The following PLCB4 variants were observed in gnomAD, a reference collection of about 807,000 sequenced individuals.
PLCB4 encodes 1-phosphatidylinositol 4,5-bisphosphate phosphodiesterase beta-4.
A neutral mutation model predicts 178.8 loss-of-function variants in PLCB4; 77 were observed. The ratio of observed to expected loss-of-function variants is 0.43; its 90% CI spans 0.36 to 0.52. The LOEUF is 0.52. PLCB4 is among the 20% of genes least tolerant of loss of function. PLCB4 has a pLI of 0.00. For synonymous variants in PLCB4, 496 were observed against 490.8 expected (o/e 1.01, Z -0.14); for missense variants, 1,024 against 1,453.4 (o/e 0.70, Z 4.80).
intron 3 of PLCB4, among the ~76,000 whole-genome samples, chr20:9,275,055 C>T (rs1450949002): frequency 2.0e-5 from 3 of 151,954 alleles, no homozygotes; most frequent in African/African-American, 7.2e-5. Flanking sequence ...ACCATATGAA[C>T]AATGATTTAT....
intron 9 of PLCB4, among the ~76,000 whole-genome samples, chr20:9,367,739 C>G (rs2035903995): frequency 6.6e-6 from 1 of 152,186 alleles, no homozygotes; most frequent in Non-Finnish European, 1.5e-5. Context: ...TGTATGTATC[C>G]TATGAATCAA....
intron 4 of PLCB4, among the ~76,000 whole-genome samples, chr20:9,318,570 A>G (rs2094925940): frequency 6.6e-6 from 1 of 152,228 alleles, no homozygotes; most frequent in Non-Finnish European, 1.5e-5. Context: ...GCACCTTAGC[A>G]GGACTCAGGC....
intron 2 of PLCB4, among the ~76,000 whole-genome samples, chr20:9,138,097 A>G (rs1406468691): frequency 6.6e-6 from 1 of 152,150 alleles, no homozygotes; most frequent in Non-Finnish European, 1.5e-5. Flanking sequence ...AGAGCAAGTG[A>G]CATTGAGTTG....
intron 3 of PLCB4, among the ~76,000 whole-genome samples, chr20:9,254,105 A>T (rs2094209219): frequency 6.6e-6 from 1 of 152,224 alleles, no homozygotes; most frequent in Non-Finnish European, 1.5e-5. Context: ...TGTGCAGTAT[A>T]CATTTCCATG....
At chr20:9,347,743 T>G (rs895589787) in intron 7 of PLCB4, among the ~76,000 whole-genome samples, 1 of 152,162 alleles carries the variant, frequency 6.6e-6, no homozygotes, top group Non-Finnish European at 1.5e-5. Context: ...TTTGGGAGGC[T>G]GAGGCAGGTG....
chr20:9,072,529 T>C (rs757506292), intron 1 of PLCB4, among the ~76,000 whole-genome samples: 12 of 152,148 alleles, frequency 7.9e-5, no homozygotes. Context: ...GATTATGCAT[T>C]ACTGAGTGGA....
intron 3 of PLCB4, among the ~76,000 whole-genome samples, chr20:9,224,560 C>T (rs1269504001): frequency 6.6e-6 from 1 of 152,178 alleles, no homozygotes; most frequent in Non-Finnish European, 1.5e-5. Flanking sequence ...AATTTTCTAA[C>T]CCCTTACTGG....
intron 2 of PLCB4, among the ~76,000 whole-genome samples, chr20:9,172,365 T>A (rs2093078470): frequency 6.6e-6 from 1 of 152,196 alleles, no homozygotes; most frequent in African/African-American, 2.4e-5. Context: ...ACATCCTACC[T>A]ATCCTTGAAA....
At chr20:9,283,302 C>T (rs1026323476) in intron 3 of PLCB4, among the ~76,000 whole-genome samples, 18 of 151,970 alleles carry the variant, frequency 1.2e-4, no homozygotes, top group African/African-American at 4.3e-4. Flanking sequence ...ATTTGTCTCA[C>T]ATGACAAAGT....
At chr20:9,262,899 G>A (rs976695792) in intron 3 of PLCB4, among the ~76,000 whole-genome samples, 1 of 152,214 alleles carries the variant, frequency 6.6e-6, no homozygotes, top group African/African-American at 2.4e-5. Context: ...GAATCTCAGA[G>A]TAAGCAGGGG....
At chr20:9,098,978 C>T (rs1365562074) in intron 2 of PLCB4, among the ~76,000 whole-genome samples, 1 of 151,292 alleles carries the variant, frequency 6.6e-6, no homozygotes, top group African/African-American at 2.4e-5. Flanking sequence ...AACTCTGTAT[C>T]ATTCCTGCTA....
chr20:9,121,610 A>G (rs1377696118), intron 2 of PLCB4, among the ~76,000 whole-genome samples: 1 of 152,220 alleles, frequency 6.6e-6, no homozygotes, highest in Non-Finnish European at 1.5e-5. Flanking sequence ...TAGAATATTC[A>G]GAAATCCTTT....
intron 33 of PLCB4, among the ~76,000 whole-genome samples, chr20:9,456,865 A>G (rs1270891939): frequency 6.6e-6 from 1 of 152,204 alleles, no homozygotes; most frequent in African/African-American, 2.4e-5. Context: ...GGATATTCCA[A>G]AAGGAAGACA....
intron 3 of PLCB4, among the ~76,000 whole-genome samples, chr20:9,298,601 A>T (rs563196993): frequency 6.6e-6 from 1 of 152,214 alleles, no homozygotes; most frequent in Non-Finnish European, 1.5e-5. Context: ...ATAAACCTGG[A>T]TCTTCACCCC....
chr20:9,339,973 T>A (rs2032986156), intron 7 of PLCB4, among the ~76,000 whole-genome samples: 1 of 152,142 alleles, frequency 6.6e-6, no homozygotes. Context: ...TATCTTTCTG[T>A]AATGTGTGTG....
intron 15 of PLCB4, 73 bp from the exon 16 acceptor site, chr20:9,389,806 G>T: frequency 1.3e-6 from 1 of 762,934 alleles, no homozygotes. Context: ...TCAATTAATA[G>T]TCTCTGAATA....
intron 2 of PLCB4, among the ~76,000 whole-genome samples, chr20:9,181,894 A>G (rs999286804): frequency 6.7e-6 from 1 of 149,486 alleles, no homozygotes; most frequent in Non-Finnish European, 1.5e-5. Context: ...CTCCCAAAAG[A>G]GAGAAAGAAG....
intron 1 of PLCB4, among the ~76,000 whole-genome samples, chr20:9,086,708 C>T (rs542436782): frequency 1.3e-5 from 2 of 152,112 alleles, no homozygotes; most frequent in Non-Finnish European, 2.9e-5. Context: ...CAGTTTTGAT[C>T]AAATAGGTTG....
rs1308445899 is a variant in PLCB4 at position 9,457,394 on chromosome 20, T to G, written c.2997-20T>G. 5 of 1,256,990 alleles carry G rather than the reference T, an allele frequency of 4.0e-6. No individual in the cohort carries two copies. The highest frequency in any genetic ancestry group is 4.7e-6 in the Non-Finnish European group (4 of 854,066). The allele number at this position is 1,256,990 out of a possible 1,614,324, so 77.9% of individuals were successfully genotyped here. Reference sequence around the variant, plus strand: ...AAAATATCTAATTTCTGGCATGCATTTGCAACTTTCCATTTTCAGGGGAAG... The same window carrying G: ...AAAATATCTAATTTCTGGCATGCATGTGCAACTTTCCATTTTCAGGGGAAG... On this transcript the variant is annotated intron_variant, in intron 33 of 39. Transcript: ENST00000378473.
Sources: gnomAD v4.1 joint callset for allele counts (sites outside exome capture counted in the v4.1 genomes callset) on GRCh38, gnomAD v4.1.1 for gene constraint, MANE v1.5 for transcripts, NCBI Gene and HGNC (gene_info 2026-07-23, HGNC 2026-07-21) for gene names.